Variants in PARD3B observed in about 807,000 individuals in gnomAD.
PARD3B encodes partitioning defective 3 homolog B.
A neutral mutation model predicts 130.2 loss-of-function variants in PARD3B; 103 were observed. The ratio of observed to expected loss-of-function variants is 0.79; its 90% CI spans 0.67 to 0.93. The LOEUF is 0.93. Ranked by LOEUF, PARD3B falls within the 40% of genes least tolerant of loss-of-function variation. The pLI is 0.00. For synonymous variants in PARD3B, 583 were observed against 553.2 expected, an observed-to-expected ratio of 1.05 and a Z score of -0.76; for missense variants, 1,609 against 1,499.2, an observed-to-expected ratio of 1.07 and a Z score of -1.21.
At chr2:205,034,799 GA>G (rs1697684649) in intron 3 of PARD3B, among the ~76,000 whole-genome samples, 1 of 152,076 alleles carries the variant, frequency 6.6e-6, no homozygotes, top group African/African-American at 2.4e-5. Context: ...ATTAACACAT[GA>G]AAATATCTCG....
chr2:204,684,881 A>T (rs1278364427), intron 1 of PARD3B, among the ~76,000 whole-genome samples: 1 of 152,192 alleles, frequency 6.6e-6, no homozygotes, highest in Non-Finnish European at 1.5e-5. Flanking sequence ...TGGAGAACTT[A>T]ATTTTGAAAT....
chr2:204,920,386 G>A (rs367954826), intron 2 of PARD3B, among the ~76,000 whole-genome samples: 1 of 152,152 alleles, frequency 6.6e-6, no homozygotes, highest in Admixed American at 6.5e-5. Context: ...AAACCACCAA[G>A]GGCATTATGA....
At chr2:204,594,029 T>C (rs1015745196) in intron 1 of PARD3B, among the ~76,000 whole-genome samples, 3 of 152,220 alleles carry the variant, frequency 2.0e-5, no homozygotes, top group Non-Finnish European at 4.4e-5. Context: ...ACACAGTGGT[T>C]CCATCAACAC....
chr2:204,936,564 T>C (rs1192052086), intron 2 of PARD3B, among the ~76,000 whole-genome samples: 2 of 152,206 alleles, frequency 1.3e-5, no homozygotes, highest in South Asian at 2.1e-4. Context: ...AATAATATTA[T>C]TGTCCTACTT....
At chr2:205,049,602 A>G (rs1699046746) in intron 4 of PARD3B, among the ~76,000 whole-genome samples, 1 of 152,176 alleles carries the variant, frequency 6.6e-6, no homozygotes, top group Non-Finnish European at 1.5e-5. Flanking sequence ...ACCAATTAAG[A>G]TGACATCAAT....
chr2:204,941,691 A>G (rs554497474), intron 2 of PARD3B, among the ~76,000 whole-genome samples: 1 of 152,294 alleles, frequency 6.6e-6, no homozygotes, highest in East Asian at 1.9e-4. Context: ...TTCCAGACAG[A>G]TATATTCTTA....
chr2:205,055,887 G>A (rs1193280098), intron 4 of PARD3B, among the ~76,000 whole-genome samples: 1 of 152,172 alleles, frequency 6.6e-6, no homozygotes, highest in African/African-American at 2.4e-5. Context: ...AAAGGCAGCA[G>A]CGTAAATGCC....
rs2029871204 is a variant in PARD3B, at chr2:205,116,683, ATTG to A, written c.681-2237_681-2235del. ...GGTATTGTTTTCTGAGCCTTCTTGT[ATTG>A]GTCTGGATGAAATCAAACTGGAGGG... is the stretch of plus-strand genomic sequence containing the variant. On this transcript the variant is annotated intron_variant, in intron 6 of 22. Transcript: ENST00000406610. The surrounding 1 kb of genome is among the most constrained non-coding windows in gnomAD (Gnocchi z 4.5). 1.3e-5 allele frequency among the ~76,000 whole-genome samples: 2 copies of A among 152,098 alleles called. No individual in the cohort carries two copies.
At chr2:205,608,523 C>T (rs1027632520) in intron 22 of PARD3B, among the ~76,000 whole-genome samples, 7 of 152,110 alleles carry the variant, frequency 4.6e-5, no homozygotes, top group Non-Finnish European at 2.9e-5. Context: ...TTTGTGGCCG[C>T]GCAGGATAGC....
In PARD3B at chr2:204,545,626, C is replaced by A. The variant is rs1373521101; in HGVS notation, c.-374C>A. On this transcript the variant is annotated 5_prime_UTR_variant, in exon 1 of 23. Transcript: ENST00000406610. Reference sequence around the variant, plus strand: ...CTGCCAACGCCGCCAGGGCCAGGGCCAGGGCCAGGACCAGCGACAGGGCAG... The same window carrying A: ...CTGCCAACGCCGCCAGGGCCAGGGCAAGGGCCAGGACCAGCGACAGGGCAG... Among the ~76,000 whole-genome samples the A allele has an allele frequency of 2.0e-5, 3 of 152,018 alleles. No homozygotes were observed. Among genetic ancestry groups the A allele is most frequent in the Non-Finnish European group, 4.4e-5 (3 of 67,960 alleles).
chr2:205,170,807 T>A, intron 11 of PARD3B, among the ~76,000 whole-genome samples: 1 of 152,126 alleles, frequency 6.6e-6, no homozygotes, highest in Non-Finnish European at 1.5e-5. Flanking sequence ...ACTTTTTTTT[T>A]CTTTTACATT....
At chr2:204,904,612 G>A (rs182501134) in intron 2 of PARD3B, among the ~76,000 whole-genome samples, 90 of 151,648 alleles carry the variant, frequency 5.9e-4, no homozygotes, top group South Asian at 1.9e-3. Flanking sequence ...GAAGCAAGTC[G>A]TCCAATATCA....
chr2:205,567,956 C>T (rs938482750), intron 22 of PARD3B, among the ~76,000 whole-genome samples: 1 of 152,170 alleles, frequency 6.6e-6, no homozygotes, highest in Non-Finnish European at 1.5e-5. Flanking sequence ...CTTGCCCCAC[C>T]TGGGGGCAAG....
At chr2:204,991,823 G>T (rs1288056327) in intron 3 of PARD3B, among the ~76,000 whole-genome samples, 1 of 151,472 alleles carries the variant, frequency 6.6e-6, no homozygotes, top group Non-Finnish European at 1.5e-5. Flanking sequence ...TTCTCTGATG[G>T]CCAGTGATGA....
At chr2:205,086,386 C>T (rs1048990980) in intron 4 of PARD3B, among the ~76,000 whole-genome samples, 2 of 152,096 alleles carry the variant, frequency 1.3e-5, no homozygotes, top group Non-Finnish European at 2.9e-5. Context: ...TGAAGATGCA[C>T]ATAGAATATG....
chr2:205,391,438 A>C (rs1198046884), intron 18 of PARD3B, among the ~76,000 whole-genome samples: 1 of 152,222 alleles, frequency 6.6e-6, no homozygotes, highest in Admixed American at 6.5e-5. Flanking sequence ...AAAAGGAAGA[A>C]GACATATTTT....
At chr2:204,586,633 A>G (rs1397109796) in intron 1 of PARD3B, among the ~76,000 whole-genome samples, 1 of 152,206 alleles carries the variant, frequency 6.6e-6, no homozygotes, top group Non-Finnish European at 1.5e-5. Context: ...ACAATCAGAA[A>G]GAACATGTAG....
intron 21 of PARD3B, among the ~76,000 whole-genome samples, chr2:205,535,751 G>T (rs1170150845): frequency 6.6e-6 from 1 of 152,156 alleles, no homozygotes. Flanking sequence ...TGTGCTCTCT[G>T]CTTTGCTGCA....
At chr2:204,565,789 T>TA (rs747829495) in intron 1 of PARD3B, among the ~76,000 whole-genome samples, 2 of 152,132 alleles carry the variant, frequency 1.3e-5, no homozygotes, top group South Asian at 2.1e-4. Flanking sequence ...TGGTGCACCA[T>TA]AAAAAAACCA....
Sources: gnomAD v4.1 joint callset for allele counts (sites outside exome capture counted in the v4.1 genomes callset) on GRCh38, gnomAD v4.1.1 for gene constraint, Gnocchi (gnomAD v3.1) non-coding constraint, MANE v1.5 for transcripts, NCBI Gene and HGNC (gene_info 2026-07-23, HGNC 2026-07-21) for gene names.